OR6N1: variants seen among roughly 807,000 people sequenced by gnomAD.
OR6N1 encodes the protein olfactory receptor family 6 subfamily N member 1.
For missense variants in OR6N1, 394 were observed against 371.7 expected (o/e 1.06, Z -0.49); for synonymous variants, 170 against 150.7 (o/e 1.13, Z -0.94).
the OR6N1 span, among the ~76,000 whole-genome samples, chr1:158,801,586 GT>G: frequency 1.3e-5 from 2 of 152,110 alleles, no homozygotes; most frequent in African/African-American, 4.8e-5. Context: ...TTGTAAACTT[GT>G]TTTGCCACTA....
At chr1:158,779,716 C>T in the OR6N1 span, among the ~76,000 whole-genome samples, 3 of 152,200 alleles carry the variant, frequency 2.0e-5, no homozygotes, top group African/African-American at 7.2e-5. Flanking sequence ...TCCTTTGCTT[C>T]TAAGTCATCT....
the OR6N1 span, among the ~76,000 whole-genome samples, chr1:158,828,283 A>G: frequency 6.6e-6 from 1 of 152,168 alleles, no homozygotes; most frequent in East Asian, 1.9e-4. Flanking sequence ...GCAAAGTCTC[A>G]TCCAAGACAA....
At chr1:158,805,152 A>T in the OR6N1 span, among the ~76,000 whole-genome samples, 1 of 152,230 alleles carries the variant, frequency 6.6e-6, no homozygotes, top group South Asian at 2.1e-4. Flanking sequence ...GTCACTGGAT[A>T]CATTGATAGT....
At chr1:158,819,149 TG>T in the OR6N1 span, among the ~76,000 whole-genome samples, 1 of 152,318 alleles carries the variant, frequency 6.6e-6, no homozygotes, top group South Asian at 2.1e-4. Context: ...CTCCATGAGT[TG>T]TGGAGCAGGG....
At chr1:158,806,711 A>G in the OR6N1 span, among the ~76,000 whole-genome samples, 1 of 152,148 alleles carries the variant, frequency 6.6e-6, no homozygotes, top group African/African-American at 2.4e-5. Context: ...AAAGGAAAAC[A>G]AATCTGGCAT....
chr1:158,830,108 A>AG, the OR6N1 span, among the ~76,000 whole-genome samples: 23 of 152,212 alleles, frequency 1.5e-4, no homozygotes, highest in Non-Finnish European at 3.1e-4. Context: ...AAACCATATC[A>AG]GGGCAGAAAG....
chr1:158,800,411 A>G, the OR6N1 span, among the ~76,000 whole-genome samples: 3 of 152,166 alleles, frequency 2.0e-5, no homozygotes, highest in Non-Finnish European at 4.4e-5. Context: ...AGGTTTGACA[A>G]TATTAAAATT....
chr1:158,783,606 CT>C, the OR6N1 span, among the ~76,000 whole-genome samples: 1 of 152,164 alleles, frequency 6.6e-6, no homozygotes, highest in Non-Finnish European at 1.5e-5. Flanking sequence ...AAGCCTTATT[CT>C]ATTCATTGCA....
chr1:158,796,822 CTGATA>C, the OR6N1 span, among the ~76,000 whole-genome samples: 2 of 149,424 alleles, frequency 1.3e-5, 1 homozygote, highest in South Asian at 4.2e-4. Flanking sequence ...TCTCCTTTAT[CTGATA>C]TATTTTTGTT....
chr1:158,797,329 T>A, the OR6N1 span, among the ~76,000 whole-genome samples: 3 of 152,300 alleles, frequency 2.0e-5, no homozygotes, highest in South Asian at 2.1e-4. Flanking sequence ...TAACTGTGAA[T>A]CAGGGGAAAT....
chr1:158,817,456 C>T, the OR6N1 span, among the ~76,000 whole-genome samples: 318 of 152,240 alleles, frequency 2.1e-3, 1 homozygote, highest in Non-Finnish European at 2.9e-3. Context: ...GCTTCAATTC[C>T]CCATTTATGC....
chr1:158,833,007 A>G, the OR6N1 span, among the ~76,000 whole-genome samples: 62 of 152,218 alleles, frequency 4.1e-4, no homozygotes, highest in African/African-American at 1.4e-3. Flanking sequence ...ATTTTTAAAA[A>G]ATCTATATTC....
the OR6N1 span, among the ~76,000 whole-genome samples, chr1:158,839,846 T>A: frequency 3.1e-4 from 47 of 152,322 alleles, no homozygotes; most frequent in African/African-American, 1.1e-3. Flanking sequence ...TTATTTGGTG[T>A]TTCCATGGTA....
chr1:158,773,571 C>T (rs1435814121), upstream of OR6N1, among the ~76,000 whole-genome samples: 6 of 152,188 alleles, frequency 3.9e-5, no homozygotes, highest in Non-Finnish European at 1.5e-5. Context: ...CAAAGATTCT[C>T]AATTTCATTG....
At chr1:158,785,272 A>G in the OR6N1 span, among the ~76,000 whole-genome samples, 2 of 152,152 alleles carry the variant, frequency 1.3e-5, no homozygotes, top group African/African-American at 2.4e-5. Flanking sequence ...GAAATTCAGT[A>G]TATTTTCCTA....
the OR6N1 span, among the ~76,000 whole-genome samples, chr1:158,786,850 G>A: frequency 6.6e-6 from 1 of 152,256 alleles, no homozygotes; most frequent in South Asian, 2.1e-4. Flanking sequence ...GGGGGAAAAG[G>A]TGAGGAGGAT....
At chr1:158,769,294 G>A (rs1204373436) in intron 1 of OR6N1, among the ~76,000 whole-genome samples, 4 of 152,046 alleles carry the variant, frequency 2.6e-5, no homozygotes, top group Non-Finnish European at 1.5e-5. Flanking sequence ...CCCACAAGTA[G>A]CTGGGACTAC....
chr1:158,823,601 T>C, the OR6N1 span, among the ~76,000 whole-genome samples: 1 of 152,052 alleles, frequency 6.6e-6, no homozygotes, highest in Non-Finnish European at 1.5e-5. Flanking sequence ...GTCTCTCTCT[T>C]TTTTTCTTTA....
the OR6N1 span, among the ~76,000 whole-genome samples, chr1:158,805,259 G>A: frequency 6.6e-6 from 1 of 152,188 alleles, no homozygotes; most frequent in East Asian, 1.9e-4. Flanking sequence ...TGATTATGCT[G>A]CCTTTCAGAC....
Sources: allele counts gnomAD v4.1 joint callset (sites outside exome capture counted in the v4.1 genomes callset), GRCh38; gene constraint gnomAD v4.1.1; transcripts MANE v1.5; gene names NCBI Gene and HGNC (gene_info 2026-07-23, HGNC 2026-07-21).